The following KCNQ2 variants were observed in gnomAD, a reference collection of about 807,000 sequenced individuals.
The protein encoded by KCNQ2 is potassium voltage-gated channel subfamily KQT member 2.
A neutral mutation model predicts 84.8 loss-of-function variants in KCNQ2; 14 were observed. The ratio of observed to expected loss-of-function variants is 0.17; its 90% CI spans 0.11 to 0.26. The LOEUF is 0.26. KCNQ2 is among the 10% of genes least tolerant of loss of function. The pLI is 1.00. For missense variants in KCNQ2, 788 were observed against 1,254.0 expected (o/e 0.63, Z 5.61); for synonymous variants, 599 against 554.1 (o/e 1.08, Z -1.14).
At chr20:63,436,991 C>T (rs757491101) in intron 7 of KCNQ2, among the ~76,000 whole-genome samples, 7 of 152,144 alleles carry the variant, frequency 4.6e-5, no homozygotes, top group African/African-American at 4.8e-5. Flanking sequence ...GTTGGCTAAG[C>T]TGGTCTCGAA....
intron 4 of KCNQ2, among the ~76,000 whole-genome samples, chr20:63,442,983 CCAT>C (rs2081259547): frequency 5.4e-4 from 7 of 13,016 alleles, no homozygotes; most frequent in Non-Finnish European, 7.0e-4. Flanking sequence ...ACCATCACCA[CCAT>C]TACCATCACC....
intron 1 of KCNQ2, among the ~76,000 whole-genome samples, chr20:63,455,168 T>C (rs2081745008): frequency 6.6e-6 from 1 of 152,158 alleles, no homozygotes; most frequent in South Asian, 2.1e-4. Flanking sequence ...GGGAGGACGA[T>C]GGGAGGACCG....
At chr20:63,463,327 G>C (rs763300196) in intron 1 of KCNQ2, among the ~76,000 whole-genome samples, 1 of 152,110 alleles carries the variant, frequency 6.6e-6, no homozygotes, top group Non-Finnish European at 1.5e-5. Context: ...CTACAAAGGG[G>C]ACTCCAGGCT....
chr20:63,411,228 G>A (rs545065013), intron 15 of KCNQ2, among the ~76,000 whole-genome samples: 7 of 152,314 alleles, frequency 4.6e-5, no homozygotes, highest in Non-Finnish European at 8.8e-5. Flanking sequence ...TGCTGTGACC[G>A]TCTGTATCTT....
At position 63,419,664 on chromosome 20, in the gene KCNQ2, C is replaced by A. The variant is rs1392868179; in HGVS notation, c.1256G>T (p.Ser419Ile). ...PPPEPSPSKGSPCRGPLCGCC... is the reference protein window; with the variant it reads ...PPPEPSPSKGIPCRGPLCGCC... Reference sequence around the variant, plus strand: ...TCCACACAGGGGCCCTCTGCACGGGCTGCCTTTACTGGAAATGAGGAGAGC... The same window carrying A: ...TCCACACAGGGGCCCTCTGCACGGGATGCCTTTACTGGAAATGAGGAGAGC... Residue 419 changes from serine to isoleucine, a missense_variant, in exon 12 of 17, where the codon AGC becomes ATC. By Grantham distance (142) the Ser-to-Ile change is moderately radical. Coordinates refer to ENST00000359125, the MANE Select transcript of KCNQ2 (RefSeq NM_172107.4). 6.2e-7 allele frequency: 1 copy of A among 1,610,972 alleles called. No homozygotes were observed. The highest frequency in any genetic ancestry group is 8.5e-7 in the Non-Finnish European group (1 of 1,179,324).
intron 11 of KCNQ2, among the ~76,000 whole-genome samples, chr20:63,421,933 C>T (rs1171999323): frequency 5.3e-5 from 8 of 152,292 alleles, no homozygotes; most frequent in African/African-American, 1.9e-4. Flanking sequence ...GTGGTCCCTA[C>T]GGGAACCGAG....
chr20:63,432,055 G>A lies in KCNQ2; in HGVS notation c.1119-686C>T, dbSNP rs565375445. 1.5e-3 allele frequency among the ~76,000 whole-genome samples: 226 copies of A among 149,060 alleles called. 1 individual carries two copies. Among genetic ancestry groups the A allele is most frequent in the African/African-American group, 4.7e-3 (191 of 40,292 alleles). On this transcript the variant is annotated intron_variant, in intron 8 of 16. Coordinates refer to ENST00000359125, the MANE Select transcript of KCNQ2 (RefSeq NM_172107.4). ...ACCCTCAGGGAAGGATCCACCCACA[G>A]GGAAGACTCCACCCACAGGGAAGGC... is the stretch of plus-strand genomic sequence containing the variant.
intron 3 of KCNQ2, 46 bp downstream of exon 3, chr20:63,445,192 G>A: frequency 6.2e-7 from 1 of 1,613,430 alleles, no homozygotes; most frequent in Admixed American, 1.7e-5. Flanking sequence ...TCCGTCCCTG[G>A]GTGCCTGGCC....
At chr20:63,429,807 C>A (rs1168319406) in intron 9 of KCNQ2, among the ~76,000 whole-genome samples, 2 of 152,170 alleles carry the variant, frequency 1.3e-5, no homozygotes, top group Non-Finnish European at 2.9e-5. Context: ...CCTCTGGTGC[C>A]CCCCCACAGG....
In KCNQ2 at chr20:63,472,534, C is replaced by A. The variant is rs1286194085; in HGVS notation, c.-71G>T. On this transcript the variant is annotated 5_prime_UTR_variant, in exon 1 of 17. Coordinates refer to ENST00000359125, the MANE Select transcript of KCNQ2 (RefSeq NM_172107.4). The stretch of plus-strand genomic sequence containing the variant: ...GGCGGAGCGCGGGGGGCGGCGCGGG[C>A]CCCAGCCCAGGCCCCCCGGCCGGGA... The A allele has an allele frequency of 7.9e-6, 10 of 1,270,346 alleles. No homozygotes were observed. Among genetic ancestry groups the A allele is most frequent in the Non-Finnish European group, 9.9e-6 (10 of 1,007,296 alleles). 78.7% of individuals were successfully genotyped at this position (1,270,346 alleles called of 1,614,324 possible).
intron 1 of KCNQ2, among the ~76,000 whole-genome samples, chr20:63,456,556 A>T (rs34064618): frequency 0.21 from 32,171 of 152,174 alleles, 4,111 homozygotes; most frequent in Middle Eastern, 0.32. Flanking sequence ...CCTGCCTCAG[A>T]CAGAGCCAGG....
chr20:63,425,768 T>C lies in KCNQ2; in HGVS notation c.1218-1562A>G, dbSNP rs2080610475. Among the ~76,000 whole-genome samples, 2 of 151,876 alleles carry C rather than the reference T, an allele frequency of 1.3e-5. No homozygotes were observed. The highest frequency in any genetic ancestry group is 4.8e-5 in the African/African-American group (2 of 41,342). On this transcript the variant is annotated intron_variant, in intron 10 of 16. Coordinates refer to ENST00000359125, the MANE Select transcript of KCNQ2 (RefSeq NM_172107.4). The surrounding 1 kb of genome is among the most constrained non-coding windows in gnomAD (Gnocchi z 5.5). Reference sequence around the variant, plus strand: ...CCCATTCAAAACGTCCCAAATCCCATCCTCTGAAGTCATGACAATCACTTA... The same window carrying C: ...CCCATTCAAAACGTCCCAAATCCCACCCTCTGAAGTCATGACAATCACTTA...
At position 63,472,570 on chromosome 20, in the gene KCNQ2, C is replaced by T. The variant is rs886056923; in HGVS notation, c.-107G>A. 3.9e-6 allele frequency: 4 copies of T among 1,021,804 alleles called. No homozygotes were observed. The highest frequency in any genetic ancestry group is 4.9e-6 in the Non-Finnish European group (4 of 812,510). 63.3% of individuals were successfully genotyped at this position (1,021,804 alleles called of 1,614,324 possible). On this transcript the variant is annotated 5_prime_UTR_variant, in exon 1 of 17. Coordinates refer to ENST00000359125, the MANE Select transcript of KCNQ2 (RefSeq NM_172107.4). ...GCCCCCCGGCCGGGAGCCGCATGGC[C>T]GAGGCGGCGGTTCCGCACTCCTGCC...
chr20:63,428,460 G>A (rs781542705), intron 9 of KCNQ2, 25 bp from the exon 10 acceptor site: 9 of 1,567,636 alleles, frequency 5.7e-6, no homozygotes, highest in Non-Finnish European at 6.9e-6. Context: ...GGAGAGGGGA[G>A]TGAGCGTCTC....
chr20:63,415,038 T>G lies in KCNQ2; in HGVS notation c.1390A>C (p.Arg464=), dbSNP rs2145556609. ...CTCTGGTCGGCGCTGGGTGACCGCCTCACAGTCTGGGCCTGCGGGGACCCC... is the reference window on the plus strand; with the variant it reads ...CTCTGGTCGGCGCTGGGTGACCGCCGCACAGTCTGGGCCTGCGGGGACCCC... ...GKGSPQAQTV[R]RSPSADQSLE... is the part of the protein sequence containing the mutation. Residue 464 remains arginine, a synonymous_variant, in exon 13 of 17, where the codon AGG becomes CGG. Transcript: ENST00000359125. 1 of 1,609,248 alleles carries G rather than the reference T, an allele frequency of 6.2e-7. No individual in the cohort carries two copies.
chr20:63,421,618 G>A (rs935502097), intron 11 of KCNQ2, among the ~76,000 whole-genome samples: 20 of 152,260 alleles, frequency 1.3e-4, no homozygotes, highest in African/African-American at 3.9e-4. Context: ...ACCGAGACCC[G>A]ACAGGACAGA....
intron 12 of KCNQ2, 143 bp from the exon 13 acceptor site, chr20:63,415,269 G>GC: frequency 1.3e-6 from 1 of 768,300 alleles, no homozygotes; most frequent in Non-Finnish European, 2.2e-6. Flanking sequence ...AGCCACACGG[G>GC]TGGCTCAGAG....
intron 1 of KCNQ2, among the ~76,000 whole-genome samples, chr20:63,452,426 G>C (rs1007362317): frequency 1.3e-5 from 2 of 152,126 alleles, no homozygotes; most frequent in Non-Finnish European, 2.9e-5. Flanking sequence ...TCAGCTGCTG[G>C]GACGACGCCC....
chr20:63,406,757 C>T lies in KCNQ2; in HGVS notation c.2506G>A (p.Glu836Lys). ...PCAKVRPYIA[E>K]GESDTDSDLC... Reference sequence around the variant, plus strand: ...TCGGAGTCGGTGTCTGACTCTCCCTCCGCAATGTAGGGCCTGACTTTGGCA... The same window carrying T: ...TCGGAGTCGGTGTCTGACTCTCCCTTCGCAATGTAGGGCCTGACTTTGGCA... The change falls in exon 17 of 17, where the codon GAG becomes AAG. Residue 836 changes from glutamate to lysine, a missense_variant. Around this residue, in one of 8 missense-constraint regions of KCNQ2, gnomAD observed 378 missense variants for 434.5 expected, o/e 0.87. Transcript: ENST00000359125. 1 of 1,612,320 alleles carries T rather than the reference C, an allele frequency of 6.2e-7. No homozygotes were observed. The highest frequency in any genetic ancestry group is 8.5e-7 in the Non-Finnish European group (1 of 1,179,766).
Sources: allele counts gnomAD v4.1 joint callset (sites outside exome capture counted in the v4.1 genomes callset), GRCh38; gene constraint gnomAD v4.1.1; regional missense constraint gnomAD v4.1.1; non-coding constraint Gnocchi (gnomAD v3.1); transcripts MANE v1.5; gene names NCBI Gene and HGNC (gene_info 2026-07-23, HGNC 2026-07-21).